Variants in AMOTL1 observed in about 807,000 individuals in gnomAD.
The protein encoded by AMOTL1 is angiomotin-like protein 1.
In AMOTL1, 45 loss-of-function variants were observed where a neutral mutation model predicts 102.9. That is an observed-to-expected ratio of 0.44 (90% CI 0.34 to 0.56). The LOEUF (loss-of-function observed/expected upper bound fraction) is 0.56, where lower values mean the gene tolerates loss of function less well. Among genes scored for constraint, AMOTL1 ranks in the 20% least tolerant of loss-of-function variants. The probability of loss-of-function intolerance (pLI) is 0.01; values close to 1 mark genes in which losing one functional copy is unlikely to be tolerated. For missense variants in AMOTL1, 1,114 were observed against 1,225.6 expected (o/e 0.91, Z 1.36); for synonymous variants, 481 against 484.7 (o/e 0.99, Z 0.10).
rs759062318 is a variant in AMOTL1 at position 94,850,246 on chromosome 11, A to G, written c.1781A>G (p.Lys594Arg). ...ALSNAQARVI[K>R]LEEELREKQA... ...AGCAACGCCCAGGCCAGGGTCATCA[A>G]GCTGGAAGAGGAGGTGAGACCAGGC... Residue 594 changes from lysine to arginine, a missense_variant, in exon 7 of 13, where the codon AAG (lysine) becomes AGG (arginine). Lys to Arg is a conservative substitution (Grantham distance 26, BLOSUM62 2). Transcript: ENST00000433060. The G allele has an allele frequency of 5.6e-6, 9 of 1,595,318 alleles. No individual in the cohort carries two copies. Among genetic ancestry groups the G allele is most frequent in the South Asian group, 2.3e-5 (2 of 87,240 alleles).
chr11:94,868,800 A>T (rs1952933423), intron 11 of AMOTL1, among the ~76,000 whole-genome samples: 1 of 152,126 alleles, frequency 6.6e-6, no homozygotes, highest in South Asian at 2.1e-4. Flanking sequence ...GTCTCTGGAA[A>T]GCCTTGTGGG....
chr11:94,786,644 A>ATG (rs1396992521), intron 1 of AMOTL1, among the ~76,000 whole-genome samples: 3 of 152,136 alleles, frequency 2.0e-5, no homozygotes, highest in Admixed American at 2.0e-4. Context: ...TTCTAACATT[A>ATG]TGTACAAAGC....
intron 4 of AMOTL1, among the ~76,000 whole-genome samples, chr11:94,823,031 C>T (rs1238952380): frequency 6.6e-6 from 1 of 151,848 alleles, no homozygotes; most frequent in Admixed American, 6.5e-5. Context: ...GTCACTTTGG[C>T]TCTATGTGAC....
At chr11:94,821,317 C>G (rs1329218158) in intron 3 of AMOTL1, among the ~76,000 whole-genome samples, 3 of 152,182 alleles carry the variant, frequency 2.0e-5, no homozygotes. Flanking sequence ...ATGTAAACAT[C>G]TGAGAGCAGG....
At chr11:94,825,555 T>A (rs1951946574) in intron 4 of AMOTL1, among the ~76,000 whole-genome samples, 1 of 152,186 alleles carries the variant, frequency 6.6e-6, no homozygotes. Context: ...TCTTACAGCC[T>A]GGCCTAAGAG....
intron 3 of AMOTL1, among the ~76,000 whole-genome samples, chr11:94,812,426 A>G (rs2135599699): frequency 6.6e-6 from 1 of 152,296 alleles, no homozygotes; most frequent in Non-Finnish European, 1.5e-5. Flanking sequence ...AACTGAATAC[A>G]CAATTTACAT....
intron 8 of AMOTL1, among the ~76,000 whole-genome samples, chr11:94,858,759 C>T (rs951540741): frequency 2.0e-5 from 3 of 152,170 alleles, no homozygotes; most frequent in Non-Finnish European, 4.4e-5. Context: ...TCTCAGAGCG[C>T]CATCTTCTTC....
intron 6 of AMOTL1, among the ~76,000 whole-genome samples, chr11:94,849,406 A>G (rs1382876250): frequency 6.6e-6 from 1 of 152,214 alleles, no homozygotes; most frequent in Non-Finnish European, 1.5e-5. Context: ...TTAAACTACA[A>G]CAGTAGAGCA....
intron 3 of AMOTL1, chr11:94,820,482 A>G (rs1675387175): frequency 6.6e-6 from 1 of 152,252 alleles, no homozygotes; most frequent in African/African-American, 2.4e-5. Flanking sequence ...GCCAGTGCTA[A>G]TTCCTACCTC....
At chr11:94,786,722 T>TC (rs965859318) in intron 1 of AMOTL1, among the ~76,000 whole-genome samples, 4 of 152,326 alleles carry the variant, frequency 2.6e-5, no homozygotes, top group East Asian at 1.9e-4. Context: ...TTTCTCTTTT[T>TC]CCCCGCAACA....
chr11:94,820,384 A>G (rs1464393010), intron 3 of AMOTL1: 2 of 152,402 alleles, frequency 1.3e-5, no homozygotes, highest in African/African-American at 4.8e-5. Context: ...GTACACTCCA[A>G]GGTAAAGTCT....
upstream of AMOTL1, among the ~76,000 whole-genome samples, chr11:94,764,118 G>GT (rs963088484): frequency 5.9e-5 from 9 of 152,048 alleles, no homozygotes; most frequent in East Asian, 1.9e-4. Flanking sequence ...GAACTTGCCC[G>GT]TTTTTTTCCT....
At chr11:94,759,582 A>AAT (rs1950767241) in intron 3 of AMOTL1, among the ~76,000 whole-genome samples, 1 of 151,574 alleles carries the variant, frequency 6.6e-6, no homozygotes, top group African/African-American at 2.4e-5. Flanking sequence ...AAAAAAAAAA[A>AAT]AAAAAAGGGC....
Position 94,830,127 on chromosome 11 carries a change from C to A in AMOTL1, c.1491C>A (p.Asp497Glu). Residue 497 changes from aspartate to glutamate, a missense_variant, in exon 5 of 13, where the codon GAC becomes GAA. Asp to Glu is a conservative substitution (Grantham distance 45, BLOSUM62 2). Coordinates refer to ENST00000433060, the MANE Select transcript of AMOTL1 (RefSeq NM_130847.3). Reference protein sequence around the residue: ...VKSTTKRESLDKAMRNKLEGE... With the variant: ...VKSTTKRESLEKAMRNKLEGE... ...CTACCACCAAGCGAGAATCGCTGGA[C>A]AAGGCCATGAGAAACAAATTGGAAG... 1 of 1,611,154 alleles carries A rather than the reference C, an allele frequency of 6.2e-7. No homozygotes were observed. The highest frequency in any genetic ancestry group is 1.7e-5 in the Admixed American group (1 of 59,646).
chr11:94,847,061 G>A (rs1396795768), intron 6 of AMOTL1, among the ~76,000 whole-genome samples: 1 of 152,180 alleles, frequency 6.6e-6, no homozygotes, highest in Non-Finnish European at 1.5e-5. Context: ...TGGTACTGCT[G>A]GAGCTTGAAG....
chr11:94,848,960 G>A (rs780242819), intron 6 of AMOTL1, among the ~76,000 whole-genome samples: 10 of 152,168 alleles, frequency 6.6e-5, no homozygotes, highest in Non-Finnish European at 1.0e-4. Context: ...CACTGATGTC[G>A]CTTCCAGACT....
At chr11:94,735,522 A>G (rs549799525) in intron 2 of AMOTL1, among the ~76,000 whole-genome samples, 9 of 152,320 alleles carry the variant, frequency 5.9e-5, no homozygotes, top group African/African-American at 1.7e-4. Context: ...ATGGTTGATA[A>G]GACTTTTCTT....
rs1950494493 is a variant in AMOTL1, at chr11:94,740,001, C to G, written c.86-937C>G. ...AGTAGAAGGAGCACTGCTCTTCTCT[C>G]CTCCCCCACTTCTCCCTCACATACC... On this transcript the variant is annotated intron_variant, in intron 2 of 4. Coordinates refer to the AMOTL1 transcript ENST00000299004. Among the ~76,000 whole-genome samples, 3 of 152,206 alleles carry G rather than the reference C, an allele frequency of 2.0e-5. No individual in the cohort carries two copies. The South Asian group carries it at 6.2e-4, about 31-fold the overall frequency.
intron 8 of AMOTL1, among the ~76,000 whole-genome samples, chr11:94,858,776 A>ATT (rs1254486223): frequency 3.3e-5 from 5 of 152,172 alleles, no homozygotes; most frequent in Admixed American, 6.5e-5. Flanking sequence ...CTTCTGTGTC[A>ATT]TGCTCTTTAG....
Sources: gnomAD v4.1 joint callset for allele counts (sites outside exome capture counted in the v4.1 genomes callset) on GRCh38, gnomAD v4.1.1 for gene constraint, MANE v1.5 for transcripts, NCBI Gene and HGNC (gene_info 2026-07-23, HGNC 2026-07-21) for gene names.